The following KMT2C variants were observed in gnomAD, a reference collection of about 807,000 sequenced individuals.
KMT2C encodes histone-lysine N-methyltransferase 2C.
In KMT2C, 88 loss-of-function variants were observed where a neutral mutation model predicts 507.9. The observed-to-expected ratio is 0.17, with a 90% CI of 0.15 to 0.21. KMT2C has a LOEUF of 0.21. Ranked by LOEUF, KMT2C falls within the 10% of genes least tolerant of loss-of-function variation. KMT2C has a pLI of 1.00. For synonymous variants in KMT2C, 2,049 were observed against 2,080.8 expected (o/e 0.98, Z 0.42); for missense variants, 4,954 against 5,957.8 (o/e 0.83, Z 5.55).
chr7:152,214,534 T>C (rs1181490612), intron 23 of KMT2C, among the ~76,000 whole-genome samples: 1 of 152,094 alleles, frequency 6.6e-6, no homozygotes, highest in African/African-American at 2.4e-5. Flanking sequence ...AAAAAATCAG[T>C]TTTGTCATAC....
At chr7:152,195,870 A>T in intron 28 of KMT2C, 37 bp downstream of exon 28, 1 of 1,224,040 alleles carries the variant, frequency 8.2e-7, no homozygotes, top group Non-Finnish European at 1.2e-6. Context: ...CGCTCACATC[A>T]GAAACCAGAA....
chr7:152,218,273 T>C (rs1326945552), intron 23 of KMT2C, among the ~76,000 whole-genome samples: 4 of 152,080 alleles, frequency 2.6e-5, no homozygotes, highest in Non-Finnish European at 4.4e-5. Context: ...CAAGCAATCC[T>C]CTGCCTCTGC....
Position 152,250,076 on chromosome 7 carries a change from A to T in KMT2C, c.1736-123T>A, listed in dbSNP as rs1412084803. 7 of 578,552 alleles carry T rather than the reference A, an allele frequency of 1.2e-5. No individual in the cohort carries two copies. In the African/African-American group the frequency reaches 1.3e-4, roughly 11 times the overall value. The allele number at this position is 578,552 out of a possible 1,614,324, so 35.8% of individuals were successfully genotyped here. A position where few individuals can be genotyped will look rare whatever the true frequency, so the allele number is the denominator to read the frequency against. ...TGTCAATTTCCAATATAAGCATGAAACATTGTACCACTTATTAGTAAGTTA... is the reference window on the plus strand; with the variant it reads ...TGTCAATTTCCAATATAAGCATGAATCATTGTACCACTTATTAGTAAGTTA... On this transcript the variant is annotated intron_variant, in intron 12 of 58. Transcript: ENST00000262189.
chr7:152,272,410 C>G (rs532601065), intron 7 of KMT2C, among the ~76,000 whole-genome samples: 1 of 152,168 alleles, frequency 6.6e-6, no homozygotes, highest in East Asian at 1.9e-4. Flanking sequence ...CTACAAAAGG[C>G]TGAATAAAAT....
intron 14 of KMT2C, among the ~76,000 whole-genome samples, chr7:152,239,298 A>G (rs529979711): frequency 6.6e-6 from 1 of 152,348 alleles, no homozygotes; most frequent in African/African-American, 2.4e-5. Context: ...CCAGTAGGCC[A>G]AAGAATGCAA....
Position 152,148,514 on chromosome 7 carries a change from A to C in KMT2C, c.13413T>G (p.Thr4471=). The C allele has an allele frequency of 6.2e-7, 1 of 1,614,242 alleles. No individual in the cohort carries two copies. The highest frequency in any genetic ancestry group is 8.5e-7 in the Non-Finnish European group (1 of 1,180,046). The part of the protein sequence containing the change: ...KCVFCHKTGA[T]SGCHRFRCTN... ...TGCATCGAAATCTGTGGCATCCACT[A>C]GTGGCACCCGTCTTGTGACAGAAGA... The change falls in exon 52 of 59, where the codon ACT becomes ACG. Residue 4471 remains threonine (T), a synonymous_variant. Coordinates refer to ENST00000262189, the MANE Select transcript of KMT2C (RefSeq NM_170606.3). This position sits in a 1 kb window ranked among gnomAD's most constrained non-coding sequence, Gnocchi z 7.1.
intron 6 of KMT2C, among the ~76,000 whole-genome samples, chr7:152,283,951 A>C (rs2096258773): frequency 2.0e-5 from 3 of 152,100 alleles, no homozygotes. Flanking sequence ...GTAAACTCAA[A>C]AAAAGATAGA....
At chr7:152,431,602 T>C (rs1354307065) in intron 1 of KMT2C, among the ~76,000 whole-genome samples, 1 of 105,586 alleles carries the variant, frequency 9.5e-6, no homozygotes, top group Non-Finnish European at 2.0e-5. Flanking sequence ...CAAGACTCTG[T>C]CAAAAAAAAA....
intron 31 of KMT2C, among the ~76,000 whole-genome samples, chr7:152,192,178 T>C (rs1263620478): frequency 6.6e-6 from 1 of 152,192 alleles, no homozygotes; most frequent in East Asian, 1.9e-4. Context: ...CACTTTCAGT[T>C]CAGAAAACAT....
rs533974166 is a variant in KMT2C at position 152,281,718 on chromosome 7, T to A, written c.850-7851A>T. Among the ~76,000 whole-genome samples, 1,354 of 149,438 alleles carry A rather than the reference T, an allele frequency of 9.1e-3. 7 individuals carry two copies. Among genetic ancestry groups the A allele is most frequent in the Non-Finnish European group, 0.015 (1,009 of 66,906 alleles). On this transcript the variant is annotated intron_variant, in intron 6 of 58. Transcript: ENST00000262189. ...CTGCACTCCAGCCTGGGCAACAGAG[T>A]GAGACTCCATCTCAAAAACAAAAAC... is the stretch of plus-strand genomic sequence containing the variant.
Position 152,163,023 on chromosome 7 carries a change from A to C in KMT2C, c.10554T>G (p.Asp3518Glu). 1 of 1,614,214 alleles carries C rather than the reference A, an allele frequency of 6.2e-7. No homozygotes were observed. The highest frequency in any genetic ancestry group is 8.5e-7 in the Non-Finnish European group (1 of 1,180,034). ...GGCTTCCAACAGGGATTGATGGTGA[A>C]TCAGGAACAAATGAAGGAGGGCCTA... ...RQVGPPSFVP[D>E]SPSIPVGSPN... The change falls in exon 43 of 59, where the codon GAT becomes GAG. Residue 3518 changes from aspartate to glutamate, a missense_variant. Transcript: ENST00000262189.
Position 152,191,090 on chromosome 7 carries a change from C to T in KMT2C, c.4660+2919G>A, listed in dbSNP as rs1156835210. ...TACTTAATTACATTTAATTAAAAAGCATTCCTCGAGATTCTATACTCTACT... is the reference window on the plus strand; with the variant it reads ...TACTTAATTACATTTAATTAAAAAGTATTCCTCGAGATTCTATACTCTACT... On this transcript the variant is annotated intron_variant, in intron 31 of 58. Coordinates refer to ENST00000262189, the MANE Select transcript of KMT2C (RefSeq NM_170606.3). Among the ~76,000 whole-genome samples the T allele has an allele frequency of 2.6e-4, 40 of 152,252 alleles. 1 individual carries two copies. The highest frequency in any genetic ancestry group is 2.6e-3 in the Admixed American group (40 of 15,288).
At chr7:152,311,599 C>T (rs1002788623) in intron 5 of KMT2C, among the ~76,000 whole-genome samples, 199 bp downstream of exon 5, 1 of 152,096 alleles carries the variant, frequency 6.6e-6, no homozygotes, top group African/African-American at 2.4e-5. Flanking sequence ...GCATCCAGTC[C>T]GGTGGTGGTA....
chr7:152,195,258 TACG>T (rs1271345986), intron 28 of KMT2C, among the ~76,000 whole-genome samples: 7 of 152,178 alleles, frequency 4.6e-5, no homozygotes, highest in African/African-American at 1.7e-4. Context: ...GAACTAGCTC[TACG>T]ACATTTAGGT....
chr7:152,192,269 G>A (rs868695362), intron 31 of KMT2C, among the ~76,000 whole-genome samples: 5 of 152,170 alleles, frequency 3.3e-5, no homozygotes, highest in South Asian at 2.1e-4. Flanking sequence ...GGGGCTGGGC[G>A]CGGTGGCTCA....
chr7:152,297,055 C>CAGACAGAGAGAGAGAG lies in KMT2C; in HGVS notation c.849+12910_849+12911insCTCTCTCTCTCTGTCT, dbSNP rs1315629061. On this transcript the variant is annotated intron_variant, in intron 6 of 58. Transcript: ENST00000262189. ...AAAGAAAGAAAGAAAGAAAGAAAGA[C>CAGACAGAGAGAGAGAG]AGAGAGAGAGAGAGAGAGAGAGAGA... 7.5e-3 allele frequency among the ~76,000 whole-genome samples: 635 copies of CAGACAGAGAGAGAGAG among 84,310 alleles called. 14 individuals are homozygous for CAGACAGAGAGAGAGAG. The highest frequency in any genetic ancestry group is 0.018 in the Middle Eastern group (3 of 166). 55.3% of individuals were successfully genotyped at this position (84,310 alleles called of 152,430 possible). A position where few individuals can be genotyped will look rare whatever the true frequency, so the allele number is the denominator to read the frequency against.
intron 7 of KMT2C, among the ~76,000 whole-genome samples, chr7:152,271,906 T>C (rs183689181): frequency 4.6e-5 from 7 of 152,072 alleles, no homozygotes; most frequent in African/African-American, 9.7e-5. Flanking sequence ...ATAGTAAGAA[T>C]CAGATTAAGG....
At chr7:152,243,579 C>T (rs1354415351) in intron 14 of KMT2C, among the ~76,000 whole-genome samples, 2 of 151,966 alleles carry the variant, frequency 1.3e-5, no homozygotes, top group Non-Finnish European at 2.9e-5. Context: ...GTCAGGAATT[C>T]GAGACCAGCC....
At chr7:152,390,012 G>A (rs1255574794) in intron 1 of KMT2C, among the ~76,000 whole-genome samples, 1 of 152,208 alleles carries the variant, frequency 6.6e-6, no homozygotes, top group African/African-American at 2.4e-5. Context: ...GCTAAACAAT[G>A]AGTACATGTG....
Sources: gnomAD v4.1 joint callset for allele counts (sites outside exome capture counted in the v4.1 genomes callset) on GRCh38, gnomAD v4.1.1 for gene constraint, Gnocchi (gnomAD v3.1) non-coding constraint, MANE v1.5 for transcripts, NCBI Gene and HGNC (gene_info 2026-07-23, HGNC 2026-07-21) for gene names.